The following PACRG variants were observed in gnomAD, a reference collection of about 807,000 sequenced individuals.
The protein encoded by PACRG is parkin coregulated gene protein.
Under a neutral mutation model 29.7 loss-of-function variants are expected in PACRG, and 29 were observed. The ratio of observed to expected loss-of-function variants is 0.98; its 90% confidence interval spans 0.73 to 1.33. The LOEUF (loss-of-function observed/expected upper bound fraction) is 1.33, where lower values mean the gene tolerates loss of function less well. Ranked by LOEUF, PACRG falls within the 40% of genes most tolerant of loss-of-function variation. The pLI, the probability that PACRG is intolerant of heterozygous loss-of-function variation, is 0.00. For missense variants in PACRG, 279 were observed against 316.2 expected (o/e 0.88, Z 0.89); for synonymous variants, 116 against 118.7 (o/e 0.98, Z 0.15).
intron 2 of PACRG, among the ~76,000 whole-genome samples, chr6:162,960,631 G>A (rs1410614276): frequency 6.6e-6 from 1 of 152,044 alleles, no homozygotes; most frequent in East Asian, 1.9e-4. Context: ...GAAGCGTGCG[G>A]GTTAAAAAAC....
chr6:163,257,325 G>A (rs564196935), intron 4 of PACRG, among the ~76,000 whole-genome samples: 2 of 152,222 alleles, frequency 1.3e-5, no homozygotes, highest in African/African-American at 2.4e-5. Context: ...ATAGGGGTAA[G>A]GGGGTTCAGG....
At chr6:163,124,760 G>A (rs1816447093) in intron 4 of PACRG, among the ~76,000 whole-genome samples, 1 of 152,196 alleles carries the variant, frequency 6.6e-6, no homozygotes, top group African/African-American at 2.4e-5. Context: ...ACCTTCGAGA[G>A]GCCGTACAGC....
chr6:162,970,513 T>C (rs551491279), intron 2 of PACRG, among the ~76,000 whole-genome samples: 1 of 152,226 alleles, frequency 6.6e-6, no homozygotes, highest in Admixed American at 6.5e-5. Flanking sequence ...AGCACAATAA[T>C]GTTTATACAG....
At chr6:163,143,641 C>T (rs1053546393) in intron 4 of PACRG, among the ~76,000 whole-genome samples, 20 of 152,252 alleles carry the variant, frequency 1.3e-4, no homozygotes, top group Admixed American at 2.0e-4. Context: ...TGTTAAATCA[C>T]AATAATACTT....
intron 1 of PACRG, among the ~76,000 whole-genome samples, chr6:162,798,583 TAAG>T (rs1340148538): frequency 2.0e-5 from 3 of 152,192 alleles, no homozygotes; most frequent in Non-Finnish European, 4.4e-5. Flanking sequence ...ATTTCCAAAA[TAAG>T]AAGAAGAAAG....
At chr6:163,265,190 C>A (rs1375437246) in intron 4 of PACRG, among the ~76,000 whole-genome samples, 1 of 152,156 alleles carries the variant, frequency 6.6e-6, no homozygotes, top group African/African-American at 2.4e-5. Context: ...TAGATAATTT[C>A]CTGACTAATG....
At chr6:163,106,931 G>A (rs544512331) in intron 4 of PACRG, among the ~76,000 whole-genome samples, 2 of 152,312 alleles carry the variant, frequency 1.3e-5, no homozygotes, top group East Asian at 3.9e-4. Flanking sequence ...TAAATTAATT[G>A]TAACTTGAAA....
At chr6:163,109,562 A>G (rs1815593576) in intron 4 of PACRG, among the ~76,000 whole-genome samples, 1 of 152,218 alleles carries the variant, frequency 6.6e-6, no homozygotes, top group African/African-American at 2.4e-5. Flanking sequence ...ATCTCTTAAC[A>G]TTATCTGAGT....
At chr6:163,179,107 A>G in intron 4 of PACRG, 2 of 420,732 alleles carry the variant, frequency 4.8e-6, no homozygotes, top group Middle Eastern at 3.4e-4. Context: ...CTTAGGTTTC[A>G]ATGGTGGGTT....
intron 2 of PACRG, among the ~76,000 whole-genome samples, chr6:162,881,846 G>A (rs909737057): frequency 2.8e-5 from 4 of 144,882 alleles, no homozygotes; most frequent in African/African-American, 7.7e-5. Flanking sequence ...GGCAGGGTGC[G>A]CTCTCCACCA....
intron 2 of PACRG, among the ~76,000 whole-genome samples, chr6:162,935,461 C>T (rs1226520256): frequency 6.7e-6 from 1 of 148,846 alleles, no homozygotes; most frequent in Non-Finnish European, 1.5e-5. Context: ...CTTTTTATTC[C>T]TGCTTGATGT....
At chr6:162,793,712 G>GTACAATT (rs1439398516) in intron 1 of PACRG, among the ~76,000 whole-genome samples, 1 of 152,196 alleles carries the variant, frequency 6.6e-6, no homozygotes, top group Non-Finnish European at 1.5e-5. Context: ...AGTCAAAAAT[G>GTACAATT]TACAATTTGG....
chr6:163,206,600 T>C (rs747203304), intron 4 of PACRG, among the ~76,000 whole-genome samples: 1 of 152,162 alleles, frequency 6.6e-6, no homozygotes, highest in Non-Finnish European at 1.5e-5. Context: ...TATCAGGTAC[T>C]ATGCTTAGTA....
intron 2 of PACRG, among the ~76,000 whole-genome samples, chr6:163,014,931 G>A (rs564527132): frequency 6.6e-6 from 1 of 152,190 alleles, no homozygotes; most frequent in African/African-American, 2.4e-5. Flanking sequence ...CAAGGCCCAT[G>A]TCCAAAATGA....
intron 4 of PACRG, among the ~76,000 whole-genome samples, chr6:163,254,639 C>A (rs1783039112): frequency 6.6e-6 from 1 of 152,196 alleles, no homozygotes; most frequent in African/African-American, 2.4e-5. Flanking sequence ...TCCAAGTAAG[C>A]CATGTGTTAC....
At chr6:163,184,008 G>A (rs1187599840) in intron 4 of PACRG, among the ~76,000 whole-genome samples, 4 of 152,226 alleles carry the variant, frequency 2.6e-5, no homozygotes, top group African/African-American at 7.2e-5. Context: ...GGAGCACATC[G>A]AAAGGAATGA....
chr6:163,204,887 C>T (rs1457262581), intron 4 of PACRG, among the ~76,000 whole-genome samples: 1 of 152,170 alleles, frequency 6.6e-6, no homozygotes, highest in African/African-American at 2.4e-5. Context: ...GATATAAAAT[C>T]AATGTACAAA....
intron 4 of PACRG, among the ~76,000 whole-genome samples, chr6:163,272,016 T>C (rs553512191): frequency 2.0e-5 from 3 of 149,552 alleles, no homozygotes; most frequent in South Asian, 4.2e-4. Context: ...TGTTTTCTTT[T>C]CTTTTCATTT....
chr6:163,090,207 T>C (rs1813972568), intron 4 of PACRG: 1 of 152,202 alleles, frequency 6.6e-6, no homozygotes, highest in Non-Finnish European at 1.5e-5. Context: ...AAGCTGAGTT[T>C]ACAGCAGCTC....
Sources: gnomAD v4.1 joint callset for allele counts (sites outside exome capture counted in the v4.1 genomes callset) on GRCh38, gnomAD v4.1.1 for gene constraint, MANE v1.5 for transcripts, NCBI Gene and HGNC (gene_info 2026-07-23, HGNC 2026-07-21) for gene names.